Variants in DGKI observed in about 807,000 individuals in gnomAD.
DGKI encodes diacylglycerol kinase iota.
In DGKI, 55 loss-of-function variants were observed where a neutral mutation model predicts 147.5. The observed-to-expected ratio is 0.37, with a 90% confidence interval of 0.30 to 0.47. The LOEUF is 0.47. Ranked by LOEUF, DGKI falls within the 20% of genes least tolerant of loss-of-function variation. The pLI is 1.00. For synonymous variants in DGKI, 469 were observed against 477.1 expected (o/e 0.98, Z 0.22); for missense variants, 1,007 against 1,323.8 (o/e 0.76, Z 3.71).
At chr7:137,823,953 A>C (rs1045117313) in intron 1 of DGKI, among the ~76,000 whole-genome samples, 1 of 152,232 alleles carries the variant, frequency 6.6e-6, no homozygotes, top group Non-Finnish European at 1.5e-5. Flanking sequence ...GCTATGGATA[A>C]GATTTACAAA....
intron 1 of DGKI, among the ~76,000 whole-genome samples, chr7:137,760,497 A>G (rs1189502761): frequency 3.3e-5 from 5 of 151,730 alleles, no homozygotes; most frequent in Non-Finnish European, 7.4e-5. Flanking sequence ...AACAGCAATC[A>G]CTGTTCCTTC....
chr7:137,824,283 G>A (rs936578315), intron 1 of DGKI, among the ~76,000 whole-genome samples: 8 of 152,186 alleles, frequency 5.3e-5, no homozygotes, highest in African/African-American at 1.2e-4. Flanking sequence ...TTGGGAAGCC[G>A]AGGCGGGTGG....
chr7:137,804,463 C>G (rs958123525), intron 1 of DGKI, among the ~76,000 whole-genome samples: 1 of 152,200 alleles, frequency 6.6e-6, no homozygotes, highest in African/African-American at 2.4e-5. Context: ...TTTAATAAGT[C>G]TCTTTGACCC....
intron 20 of DGKI, among the ~76,000 whole-genome samples, chr7:137,531,493 A>G (rs1817336580): frequency 6.6e-6 from 1 of 152,184 alleles, no homozygotes; most frequent in Admixed American, 6.5e-5. Flanking sequence ...ATTCATCACT[A>G]TACTTAGTGG....
At chr7:137,575,159 A>T (rs1413172114) in intron 17 of DGKI, among the ~76,000 whole-genome samples, 1 of 152,212 alleles carries the variant, frequency 6.6e-6, no homozygotes, top group East Asian at 1.9e-4. Context: ...GATTTCCCCA[A>T]AGTCATATAC....
intron 1 of DGKI, among the ~76,000 whole-genome samples, chr7:137,816,520 C>G (rs1433503480): frequency 6.6e-6 from 1 of 152,194 alleles, no homozygotes; most frequent in African/African-American, 2.4e-5. Context: ...ACTCAGAACA[C>G]CCATATATTG....
chr7:137,464,018 C>T (rs1018841450), intron 26 of DGKI, among the ~76,000 whole-genome samples: 1 of 151,976 alleles, frequency 6.6e-6, no homozygotes, highest in Middle Eastern at 3.2e-3. Flanking sequence ...TTTCAGGCTA[C>T]TTTATTTTTG....
intron 1 of DGKI, among the ~76,000 whole-genome samples, chr7:137,788,562 A>G (rs1796744631): frequency 6.7e-6 from 1 of 148,840 alleles, no homozygotes; most frequent in South Asian, 2.2e-4. Context: ...ATGGCCAAGG[A>G]CTCCTCGCCT....
At chr7:137,538,317 T>C (rs1247715513) in intron 20 of DGKI, among the ~76,000 whole-genome samples, 1 of 152,204 alleles carries the variant, frequency 6.6e-6, no homozygotes. Context: ...TAAAATTCCC[T>C]TTCTTCCTGG....
chr7:137,482,010 C>CTGTTTG (rs1815388594), intron 23 of DGKI, among the ~76,000 whole-genome samples: 1 of 152,088 alleles, frequency 6.6e-6, no homozygotes, highest in South Asian at 2.1e-4. Flanking sequence ...ACACTCCTTA[C>CTGTTTG]TCCCACCGGG....
intron 21 of DGKI, among the ~76,000 whole-genome samples, chr7:137,511,555 G>C (rs982161465): frequency 6.6e-6 from 1 of 152,212 alleles, no homozygotes; most frequent in African/African-American, 2.4e-5. Context: ...TTCAGAGCTA[G>C]CACTCACTGA....
chr7:137,808,381 T>G (rs1585518200), intron 1 of DGKI, among the ~76,000 whole-genome samples: 1 of 152,360 alleles, frequency 6.6e-6, no homozygotes, highest in Non-Finnish European at 1.5e-5. Flanking sequence ...GACACTAGGC[T>G]AAGTGCCTTG....
rs184809807 is a variant in DGKI, at chr7:137,779,280, T to C, written c.401+67182A>G. Among the ~76,000 whole-genome samples, 35 of 142,998 alleles carry C rather than the reference T, an allele frequency of 2.4e-4. 1 individual carries two copies. In the South Asian group the frequency reaches 4.9e-3, roughly 20 times the overall value. 93.8% of individuals were successfully genotyped at this position (142,998 alleles called of 152,430 possible). A position where few individuals can be genotyped will look rare whatever the true frequency, so the allele number is the denominator to read the frequency against. ...TTATGCTGGAACAGCTAGATGTTCATATGGAAAAAAAAAGAATGAACCTCA... is the reference window on the plus strand; with the variant it reads ...TTATGCTGGAACAGCTAGATGTTCACATGGAAAAAAAAAGAATGAACCTCA... On this transcript the variant is annotated intron_variant, in intron 1 of 32. Coordinates refer to ENST00000614521, the MANE Select transcript of DGKI (RefSeq NM_001321708.2).
chr7:137,738,091 A>T (rs376770606), intron 1 of DGKI, among the ~76,000 whole-genome samples: 14 of 152,270 alleles, frequency 9.2e-5, no homozygotes, highest in African/African-American at 3.1e-4. Flanking sequence ...CATTTAATAC[A>T]TTCAATATAT....
At chr7:137,432,520 C>T (rs1813120278) in intron 28 of DGKI, among the ~76,000 whole-genome samples, 1 of 152,190 alleles carries the variant, frequency 6.6e-6, no homozygotes, top group Non-Finnish European at 1.5e-5. Context: ...AAACTGTATG[C>T]TAGGTCTTTG....
At chr7:137,679,832 A>G (rs1454437986) in intron 2 of DGKI, among the ~76,000 whole-genome samples, 1 of 151,902 alleles carries the variant, frequency 6.6e-6, no homozygotes, top group African/African-American at 2.4e-5. Flanking sequence ...AACTAAAAAA[A>G]TACAAAAATT....
rs564569155 is a variant in DGKI at position 137,477,444 on chromosome 7, C to T, written c.2374-7825G>A. ...ATAAAGTTTATTGGAATTTTGCAAA[C>T]ATTGGCAACAATACTACACAACCTA... On this transcript the variant is annotated intron_variant, in intron 23 of 32. Transcript: ENST00000614521. 4.0e-4 allele frequency among the ~76,000 whole-genome samples: 61 copies of T among 152,232 alleles called. 2 individuals are homozygous for T. In the South Asian group the frequency reaches 0.012, roughly 31 times the overall value.
At chr7:137,525,468 C>A (rs1215005276) in intron 20 of DGKI, among the ~76,000 whole-genome samples, 1 of 152,166 alleles carries the variant, frequency 6.6e-6, no homozygotes, top group African/African-American at 2.4e-5. Context: ...GAATCATTTG[C>A]AACCCTGGTG....
intron 21 of DGKI, among the ~76,000 whole-genome samples, chr7:137,501,085 T>C (rs1259016009): frequency 1.3e-5 from 2 of 152,158 alleles, no homozygotes; most frequent in East Asian, 1.9e-4. Flanking sequence ...AGACTGACTT[T>C]TTTAGCCCCT....
Sources: allele counts gnomAD v4.1 joint callset (sites outside exome capture counted in the v4.1 genomes callset), GRCh38; gene constraint gnomAD v4.1.1; transcripts MANE v1.5; gene names NCBI Gene and HGNC (gene_info 2026-07-23, HGNC 2026-07-21).